MAP3K1: variants seen among roughly 807,000 people sequenced by gnomAD.
MAP3K1 encodes the protein MAP/ERK kinase kinase 1.
A neutral mutation model predicts 144.2 loss-of-function variants in MAP3K1; 36 were observed. The observed-to-expected ratio is 0.25, with a 90% CI of 0.19 to 0.33. The LOEUF (loss-of-function observed/expected upper bound fraction) is 0.33, where lower values mean the gene tolerates loss of function less well. Among genes scored for constraint, MAP3K1 ranks in the 10% least tolerant of loss-of-function variants. The probability of loss-of-function intolerance (pLI) is 1.00; values close to 1 mark genes in which losing one functional copy is unlikely to be tolerated. For synonymous variants in MAP3K1, 718 were observed against 688.7 expected (o/e 1.04, Z -0.67); for missense variants, 1,650 against 1,881.9 (o/e 0.88, Z 2.28).
chr5:56,829,691 C>G (rs1581209910), intron 1 of MAP3K1, among the ~76,000 whole-genome samples: 1 of 152,184 alleles, frequency 6.6e-6, no homozygotes, highest in Non-Finnish European at 1.5e-5. Context: ...CTCTGTGCTG[C>G]TAGCACGTGA....
intron 1 of MAP3K1, among the ~76,000 whole-genome samples, chr5:56,823,911 A>G (rs959806834): frequency 9.2e-5 from 14 of 152,252 alleles, no homozygotes; most frequent in African/African-American, 3.1e-4. Flanking sequence ...GCATTTATAT[A>G]TTCACACATA....
chr5:56,879,002 T>C lies in MAP3K1; in HGVS notation c.1988T>C (p.Val663Ala), dbSNP rs1561197423. The change falls in exon 11 of 20, where the codon GTA becomes GCA. Residue 663 changes from valine (V) to alanine (A), a missense_variant. This residue lies in a region of MAP3K1 where 841 missense variants were observed against 886.5 expected (regional missense o/e 0.95). Transcript: ENST00000399503. ...AALKTLRAML[V>A]YTPCHSLAER... Reference sequence around the variant, plus strand: ...TAGAAAACATTGAGAGCCATGCTGGTATATACTCCTTGCCACAGTTTAGCG... The same window carrying C: ...TAGAAAACATTGAGAGCCATGCTGGCATATACTCCTTGCCACAGTTTAGCG... The C allele has an allele frequency of 6.2e-7, 1 of 1,613,918 alleles. No homozygotes were observed.
chr5:56,839,068 C>T (rs1275820176), intron 1 of MAP3K1, among the ~76,000 whole-genome samples: 1 of 152,120 alleles, frequency 6.6e-6, no homozygotes, highest in Non-Finnish European at 1.5e-5. Context: ...ACAACTTGGC[C>T]ATAGGTCAGT....
At chr5:56,874,152 C>A (rs1212757834) in intron 9 of MAP3K1, among the ~76,000 whole-genome samples, 1 of 152,190 alleles carries the variant, frequency 6.6e-6, no homozygotes, top group Non-Finnish European at 1.5e-5. Flanking sequence ...CTAGTTGGTT[C>A]ATTCTCCCAT....
rs1490594459 is a variant in MAP3K1 at position 56,815,581 on chromosome 5, C to A, written c.8C>A (p.Ala3Glu). The A allele has an allele frequency of 7.7e-7, 1 of 1,298,846 alleles. No homozygotes were observed. Among genetic ancestry groups the A allele is most frequent in the Non-Finnish European group, 9.7e-7 (1 of 1,026,674 alleles). The allele number at this position is 1,298,846 out of a possible 1,614,324, so 80.5% of individuals were successfully genotyped here. A position where few individuals can be genotyped will look rare whatever the true frequency, so the allele number is the denominator to read the frequency against. MA[A>E]AAGNRASSSG... ...TGTAGCCCGCGAGAGAAAATGGCGG[C>A]GGCGGCGGGGAATCGCGCCTCGTCG... Residue 3 changes from alanine to glutamate, a missense_variant, in exon 1 of 20, where the codon GCG becomes GAG. Around this residue, in one of 6 missense-constraint regions of MAP3K1, gnomAD observed 360 missense variants for 274.7 expected, o/e 1.31. Coordinates refer to ENST00000399503, the MANE Select transcript of MAP3K1 (RefSeq NM_005921.2).
At chr5:56,855,879 C>T (rs1579749526) in intron 1 of MAP3K1, among the ~76,000 whole-genome samples, 1 of 152,158 alleles carries the variant, frequency 6.6e-6, no homozygotes. Context: ...CATGTATGCT[C>T]ATGTGGATAT....
chr5:56,820,921 A>G (rs1561160337), intron 1 of MAP3K1: 1 of 436,934 alleles, frequency 2.3e-6, no homozygotes, highest in Non-Finnish European at 3.0e-6. Context: ...ATTTCTGCCT[A>G]TTTTCTGATA....
At chr5:56,873,459 T>C (rs970353558) in intron 9 of MAP3K1, among the ~76,000 whole-genome samples, 3 of 152,226 alleles carry the variant, frequency 2.0e-5, no homozygotes, top group East Asian at 1.9e-4. Context: ...GAAAAAAATA[T>C]GTGATGGTTA....
intron 1 of MAP3K1, among the ~76,000 whole-genome samples, chr5:56,833,083 G>A (rs1015133220): frequency 1.3e-5 from 2 of 152,050 alleles, no homozygotes; most frequent in African/African-American, 2.4e-5. Context: ...TGTTGGCTAG[G>A]ATGGTCTTGA....
intron 1 of MAP3K1, among the ~76,000 whole-genome samples, chr5:56,852,579 C>G (rs1013957701): frequency 1.3e-5 from 2 of 152,142 alleles, no homozygotes; most frequent in African/African-American, 4.8e-5. Context: ...GCTTAAGTTT[C>G]TCTTATTTTT....
rs1747988287 is a variant in MAP3K1 at position 56,875,235 on chromosome 5, TGTG to T, written c.1895_1897del (p.Val632del). ...CTTCCCAGACCAGTATCTCAGGAGA[TGTG>T]GTGGAGGCATGCTGCAGCGTTCTGT... On this transcript the variant is annotated inframe_deletion, in exon 10 of 20. Coordinates refer to ENST00000399503, the MANE Select transcript of MAP3K1 (RefSeq NM_005921.2). 4 of 1,614,070 alleles carry T rather than the reference TGTG, an allele frequency of 2.5e-6. No individual in the cohort carries two copies. In the East Asian group the frequency reaches 8.9e-5, roughly 36 times the overall value.
chr5:56,842,944 G>T (rs1008832127), intron 1 of MAP3K1, among the ~76,000 whole-genome samples: 9 of 151,972 alleles, frequency 5.9e-5, no homozygotes, highest in African/African-American at 1.9e-4. Flanking sequence ...GCCCCTGATC[G>T]CTGTGCCATA....
chr5:56,877,131 A>G (rs1748056537), intron 10 of MAP3K1, among the ~76,000 whole-genome samples: 1 of 152,180 alleles, frequency 6.6e-6, no homozygotes, highest in Non-Finnish European at 1.5e-5. Context: ...TTGTTTTTTC[A>G]TGTAGCATCT....
chr5:56,857,891 A>T (rs1179924733), intron 2 of MAP3K1, among the ~76,000 whole-genome samples: 2 of 152,210 alleles, frequency 1.3e-5, no homozygotes, highest in Non-Finnish European at 2.9e-5. Flanking sequence ...ATGGAATTAT[A>T]CAGAATAAAT....
At chr5:56,829,237 A>G (rs1465191077) in intron 1 of MAP3K1, among the ~76,000 whole-genome samples, 1 of 150,488 alleles carries the variant, frequency 6.6e-6, no homozygotes, top group East Asian at 2.0e-4. Context: ...GCTGAAGTGC[A>G]GTGACATGAT....
intron 9 of MAP3K1, 46 bp from the exon 10 acceptor site, chr5:56,874,986 C>T: frequency 6.3e-7 from 1 of 1,599,718 alleles, no homozygotes; most frequent in Non-Finnish European, 8.6e-7. Context: ...GCTCTGGGTC[C>T]ATAAGCTTTT....
intron 1 of MAP3K1, 125 bp downstream of exon 1, chr5:56,816,180 G>A: frequency 9.8e-7 from 1 of 1,017,430 alleles, no homozygotes; most frequent in Non-Finnish European, 1.2e-6. Context: ...CGCTCGCCGG[G>A]ACCTACGCCC....
rs565997358 is a variant in MAP3K1 at position 56,832,960 on chromosome 5, C to T, written c.482+16905C>T. Among the ~76,000 whole-genome samples, 16 of 152,348 alleles carry T rather than the reference C, an allele frequency of 1.1e-4. No individual in the cohort carries two copies. In the East Asian group the frequency reaches 3.1e-3, roughly 29 times the overall value. On this transcript the variant is annotated intron_variant, in intron 1 of 19. Transcript: ENST00000399503. ...TATCTCAGCTCACTGAAACCTCCAC[C>T]TCCTGGGTTCAAGTGATTCTCCTGC...
intron 7 of MAP3K1, 138 bp from the exon 8 acceptor site, chr5:56,872,503 C>G: frequency 3.0e-6 from 2 of 661,938 alleles, no homozygotes; most frequent in Admixed American, 2.8e-5. Flanking sequence ...GCTGTGTTTA[C>G]TTGCTTTCAG....
Sources: allele counts gnomAD v4.1 joint callset (sites outside exome capture counted in the v4.1 genomes callset), GRCh38; gene constraint gnomAD v4.1.1; regional missense constraint gnomAD v4.1.1; transcripts MANE v1.5; gene names NCBI Gene and HGNC (gene_info 2026-07-23, HGNC 2026-07-21).